ZC3H4: variants seen among roughly 807,000 people sequenced by gnomAD.
ZC3H4 encodes zinc finger CCCH-type containing 4.
ZC3H4 carries 13 observed loss-of-function variants against 108.3 expected under a neutral mutation model. That is an observed-to-expected ratio of 0.12 (90% confidence interval 0.08 to 0.19). The LOEUF (loss-of-function observed/expected upper bound fraction) is 0.19, where lower values mean the gene tolerates loss of function less well. ZC3H4 is among the 10% of genes least tolerant of loss of function. The pLI is 1.00. For synonymous variants in ZC3H4, 917 were observed against 749.6 expected (o/e 1.22, Z -3.65); for missense variants, 1,734 against 1,838.8 (o/e 0.94, Z 1.04).
rs1555775480 is a variant in ZC3H4 at position 47,064,721 on chromosome 19, T to TTA, written c.*1634_*1635insTA. Reference sequence around the variant, plus strand: ...AAGACAAATCTCATTAATGATTGTGTAAAAAAAAAAAAAAAAAAAAAGACA... The same window carrying TTA: ...AAGACAAATCTCATTAATGATTGTGTTAAAAAAAAAAAAAAAAAAAAAAGACA... On this transcript the variant is annotated 3_prime_UTR_variant, in exon 15 of 15. Coordinates refer to ENST00000253048, the MANE Select transcript of ZC3H4 (RefSeq NM_015168.2). The TTA allele has an allele frequency of 2.7e-5, 3 of 113,116 alleles. No homozygotes were observed. In the South Asian group the frequency reaches 9.2e-4, roughly 35 times the overall value. The allele number at this position is 113,116 out of a possible 1,614,324, so 7.0% of individuals were successfully genotyped here.
intron 2 of ZC3H4, 136 bp from the exon 3 acceptor site, chr19:47,094,744 G>C: frequency 2.5e-6 from 2 of 808,628 alleles, no homozygotes; most frequent in Non-Finnish European, 4.0e-6. Context: ...GGACATGGGG[G>C]CCATGGCCTC....
rs1429583066 is a variant in ZC3H4 at position 47,064,513 on chromosome 19, C to T, written c.*1843G>A. The T allele has an allele frequency of 6.6e-6, 1 of 152,314 alleles. No homozygotes were observed. Among genetic ancestry groups the T allele is most frequent in the African/African-American group, 2.4e-5 (1 of 41,384 alleles). The allele number at this position is 152,314 out of a possible 1,614,324, so 9.4% of individuals were successfully genotyped here. On this transcript the variant is annotated 3_prime_UTR_variant, in exon 15 of 15. Transcript: ENST00000253048. ...TAGGCTGAATATTCCAAGAGGAGGGCTCCAGCTTCTATTTCATCCACAGAT... is the reference window on the plus strand; with the variant it reads ...TAGGCTGAATATTCCAAGAGGAGGGTTCCAGCTTCTATTTCATCCACAGAT...
intron 5 of ZC3H4, among the ~76,000 whole-genome samples, chr19:47,087,423 CT>C (rs908445616): frequency 1.7e-4 from 23 of 135,998 alleles, no homozygotes; most frequent in South Asian, 6.8e-4. Context: ...ATTGGTTTCA[CT>C]TTTTTCTTCA....
In ZC3H4 at chr19:47,066,797, C is replaced by G; in HGVS notation, c.3471G>C (p.Gly1157=). Residue 1157 remains glycine (G), a synonymous_variant, in exon 15 of 15, where the codon GGG becomes GGC. Coordinates refer to ENST00000253048, the MANE Select transcript of ZC3H4 (RefSeq NM_015168.2). ...SLYDPRTPNA[G]GKATEPAADT... Reference sequence around the variant, plus strand: ...CAGCAGCCGGCTCTGTGGCTTTGCCCCCCGCGTTGGGAGTCCTCGGGTCGT... The same window carrying G: ...CAGCAGCCGGCTCTGTGGCTTTGCCGCCCGCGTTGGGAGTCCTCGGGTCGT... 1 of 1,600,584 alleles carries G rather than the reference C, an allele frequency of 6.2e-7. No individual in the cohort carries two copies. Among genetic ancestry groups the G allele is most frequent in the South Asian group, 1.1e-5 (1 of 90,342 alleles).
chr19:47,072,740 G>C lies in ZC3H4; in HGVS notation c.1441-27C>G. 6.2e-7 allele frequency: 1 copy of C among 1,611,666 alleles called. No individual in the cohort carries two copies. Among genetic ancestry groups the C allele is most frequent in the East Asian group, 2.2e-5 (1 of 44,878 alleles). ...TGCGGGTGTGAAAGAACAAAAGAAG[G>C]TGTGGACGGGGTCAGGATGGAAACG... On this transcript the variant is annotated intron_variant, in intron 11 of 14. Transcript: ENST00000253048. The surrounding 1 kb of genome is among the most constrained non-coding windows in gnomAD (Gnocchi z 5.6).
rs543374059 is a variant in ZC3H4, at chr19:47,096,869, A to G, written c.162-2261T>C. 8 of 985,442 alleles carry G rather than the reference A, an allele frequency of 8.1e-6. No homozygotes were observed. In the Admixed American group the frequency reaches 4.3e-4, roughly 53 times the overall value. 61.0% of individuals were successfully genotyped at this position (985,442 alleles called of 1,614,324 possible). On this transcript the variant is annotated intron_variant, in intron 2 of 14. Transcript: ENST00000253048. ...GGTGCCTGATCATCAGGGCTGGGTCAGCTGAGCCGGAGTGGGTGGCAGCCT... is the reference window on the plus strand; with the variant it reads ...GGTGCCTGATCATCAGGGCTGGGTCGGCTGAGCCGGAGTGGGTGGCAGCCT...
At chr19:47,107,005 C>T (rs1436646490) in intron 2 of ZC3H4, among the ~76,000 whole-genome samples, 1 of 152,188 alleles carries the variant, frequency 6.6e-6, no homozygotes, top group Non-Finnish European at 1.5e-5. Context: ...ACTGAGACTA[C>T]AGCACTGACT....
At chr19:47,089,907 C>T (rs2057700322) in intron 5 of ZC3H4, 60 bp downstream of exon 5, 1 of 1,581,462 alleles carries the variant, frequency 6.3e-7, no homozygotes, top group African/African-American at 1.3e-5. Context: ...GACCAGGCCA[C>T]CGGGGTTGGC....
intron 11 of ZC3H4, among the ~76,000 whole-genome samples, chr19:47,074,956 C>G (rs763745394): frequency 6.6e-5 from 10 of 152,172 alleles, no homozygotes; most frequent in Non-Finnish European, 1.5e-4. Context: ...ATCTTGGGGA[C>G]CCCAGCACAG....
chr19:47,072,048 C>T lies in ZC3H4; in HGVS notation c.1876G>A (p.Gly626Ser), dbSNP rs1237805753. 16 of 1,584,372 alleles carry T rather than the reference C, an allele frequency of 1.0e-5. No individual in the cohort carries two copies. Among genetic ancestry groups the T allele is most frequent in the African/African-American group, 1.3e-5 (1 of 74,196 alleles). ...PNMGPPGPMG[G>S]PMHPDMHPDM... The stretch of plus-strand genomic sequence containing the variant: ...GGGTGCATGTCAGGATGCATTGGAC[C>T]GCCCATTGGCCCTGGGGGTCCCATG... The change falls in exon 13 of 15, where the codon GGT becomes AGT. Residue 626 changes from glycine to serine, a missense_variant. Coordinates refer to ENST00000253048, the MANE Select transcript of ZC3H4 (RefSeq NM_015168.2). This position sits in a 1 kb window ranked among gnomAD's most constrained non-coding sequence, Gnocchi z 5.6.
chr19:47,073,907 T>C (rs2057373571), intron 11 of ZC3H4, among the ~76,000 whole-genome samples: 1 of 152,236 alleles, frequency 6.6e-6, no homozygotes, highest in African/African-American at 2.4e-5. Context: ...CATATTCCCC[T>C]GTCATGTTTG....
At chr19:47,071,604 T>TGAAG (rs139603313) in intron 13 of ZC3H4, among the ~76,000 whole-genome samples, 174 bp downstream of exon 13, 1,967 of 152,344 alleles carry the variant, frequency 0.013, 37 homozygotes, top group African/African-American at 0.043. Context: ...ACTCCTTTCT[T>TGAAG]CTTCAACAGA....
At chr19:47,081,403 A>C in intron 11 of ZC3H4, 110 bp downstream of exon 11, 2 of 834,696 alleles carry the variant, frequency 2.4e-6, no homozygotes, top group South Asian at 2.9e-5. Flanking sequence ...ATTCCAGATC[A>C]ACCAAACTGG....
chr19:47,097,512 G>A (rs1013283917), intron 2 of ZC3H4, among the ~76,000 whole-genome samples: 2 of 152,166 alleles, frequency 1.3e-5, no homozygotes, highest in African/African-American at 2.4e-5. Flanking sequence ...AACGTCCTGC[G>A]TGAACACGAG....
At chr19:47,095,067 GTC>G (rs1406670134) in intron 2 of ZC3H4, among the ~76,000 whole-genome samples, 1 of 152,224 alleles carries the variant, frequency 6.6e-6, no homozygotes, top group African/African-American at 2.4e-5. Flanking sequence ...GACCACAGAA[GTC>G]TCTCTCCCAG....
In ZC3H4 at chr19:47,066,253, G is replaced by A; in HGVS notation, c.*103C>T. 1.2e-6 allele frequency: 1 copy of A among 867,942 alleles called. No homozygotes were observed. The highest frequency in any genetic ancestry group is 1.6e-6 in the Non-Finnish European group (1 of 608,352). The allele number at this position is 867,942 out of a possible 1,614,324, so 53.8% of individuals were successfully genotyped here. On this transcript the variant is annotated 3_prime_UTR_variant, in exon 15 of 15. Transcript: ENST00000253048. Reference sequence around the variant, plus strand: ...GCAAAAGAAAAAGAAAAGAAAAAAGGAACACCCAGCCTGCCTCCCCTTGCC... The same window carrying A: ...GCAAAAGAAAAAGAAAAGAAAAAAGAAACACCCAGCCTGCCTCCCCTTGCC...
chr19:47,098,820 A>C (rs1031107729), intron 2 of ZC3H4, among the ~76,000 whole-genome samples: 2 of 152,248 alleles, frequency 1.3e-5, no homozygotes, highest in Non-Finnish European at 2.9e-5. Flanking sequence ...ATGATATTTC[A>C]AAGGAGATAT....
At chr19:47,092,598 C>A (rs553036701) in intron 4 of ZC3H4, among the ~76,000 whole-genome samples, 1 of 151,658 alleles carries the variant, frequency 6.6e-6, no homozygotes, top group African/African-American at 2.4e-5. Flanking sequence ...GGGCGGGTCA[C>A]CTGAGGTCAG....
chr19:47,105,760 C>T (rs1221733997), intron 2 of ZC3H4, among the ~76,000 whole-genome samples: 1 of 152,214 alleles, frequency 6.6e-6, no homozygotes, highest in Non-Finnish European at 1.5e-5. Context: ...TTCTCCCAAA[C>T]AAAAGTTTCC....
Sources: allele counts gnomAD v4.1 joint callset (sites outside exome capture counted in the v4.1 genomes callset), GRCh38; gene constraint gnomAD v4.1.1; non-coding constraint Gnocchi (gnomAD v3.1); transcripts MANE v1.5; gene names NCBI Gene and HGNC (gene_info 2026-07-23, HGNC 2026-07-21).